The following POGZ variants were observed in gnomAD, a reference collection of about 807,000 sequenced individuals.
POGZ encodes pogo transposable element with ZNF domain.
A neutral mutation model predicts 134.6 loss-of-function variants in POGZ; 17 were observed. The observed-to-expected ratio is 0.13, with a 90% CI of 0.09 to 0.19. The LOEUF (loss-of-function observed/expected upper bound fraction) is 0.19. Among genes scored for constraint, POGZ ranks in the 10% least tolerant of loss-of-function variants. The pLI is 1.00. For synonymous variants in POGZ, 693 were observed against 657.1 expected (o/e 1.05, Z -0.84); for missense variants, 1,306 against 1,769.7 (o/e 0.74, Z 4.70).
Position 151,405,519 on chromosome 1 carries a change from G to A in POGZ, c.3516C>T (p.Thr1172=), listed in dbSNP as rs757691802. 9.3e-6 allele frequency: 15 copies of A among 1,614,214 alleles called. 2 individuals are homozygous for A. The South Asian group carries it at 1.5e-4, about 17-fold the overall frequency. Residue 1172 remains threonine (T), a synonymous_variant, in exon 19 of 19, where the codon ACC becomes ACT. Coordinates refer to ENST00000271715, the MANE Select transcript of POGZ (RefSeq NM_015100.4). This position sits in a 1 kb window ranked among gnomAD's most constrained non-coding sequence, Gnocchi z 4.9. ...CCATCTGCCCTCTGTAGAAAACCAGGGTGGGAAGGACAGTGCCATCTGCCA... is the reference window on the plus strand; with the variant it reads ...CCATCTGCCCTCTGTAGAAAACCAGAGTGGGAAGGACAGTGCCATCTGCCA... The part of the protein sequence containing the change: ...AILADGTVLP[T]LVFYRGQMDQ...
At chr1:151,446,333 TAAA>T (rs1661270940) in intron 1 of POGZ, among the ~76,000 whole-genome samples, 1 of 150,310 alleles carries the variant, frequency 6.7e-6, no homozygotes, top group Admixed American at 6.6e-5. Flanking sequence ...CTTATCACAC[TAAA>T]AAAATTATGC....
At chr1:151,408,921 T>A in intron 12 of POGZ, 93 bp from the exon 13 acceptor site, 1 of 1,050,924 alleles carries the variant, frequency 9.5e-7, no homozygotes. Flanking sequence ...ATGTCAACCA[T>A]ATCATTCTTC....
chr1:151,442,656 G>A (rs997432993), intron 1 of POGZ, among the ~76,000 whole-genome samples: 15 of 150,704 alleles, frequency 1.0e-4, no homozygotes, highest in Non-Finnish European at 1.8e-4. Context: ...GGTTGCAGGG[G>A]GTCAAGATCA....
At chr1:151,413,816 A>C (rs910950649) in intron 10 of POGZ, among the ~76,000 whole-genome samples, 8 of 152,126 alleles carry the variant, frequency 5.3e-5, no homozygotes, top group African/African-American at 1.7e-4. Context: ...AAGTACCAGA[A>C]TTACAGGTAT....
Position 151,430,855 on chromosome 1 carries a change from G to GA in POGZ, c.284-15dup. 3 of 1,513,116 alleles carry GA rather than the reference G, an allele frequency of 2.0e-6. No individual in the cohort carries two copies. Among genetic ancestry groups the GA allele is most frequent in the Admixed American group, 2.5e-5 (1 of 39,534 alleles). 93.7% of individuals were successfully genotyped at this position (1,513,116 alleles called of 1,614,324 possible). A position where few individuals can be genotyped will look rare whatever the true frequency, so the allele number is the denominator to read the frequency against. On this transcript the variant is annotated splice_polypyrimidine_tract_variant and intron_variant, in intron 3 of 18. Transcript: ENST00000271715. ...AAGGATTGCCAGCTAAAGGGTAAAGGAAGAAAAAAAAAAAGGAATGTTAGA... is the reference window on the plus strand; with the variant it reads ...AAGGATTGCCAGCTAAAGGGTAAAGGAAAGAAAAAAAAAAAGGAATGTTAGA...
chr1:151,429,509 A>C, intron 5 of POGZ, 94 bp downstream of exon 5: 1 of 569,700 alleles, frequency 1.8e-6, no homozygotes, highest in South Asian at 2.8e-5. Flanking sequence ...ATTTTCTTTA[A>C]ATGTACTTAC....
chr1:151,420,988 C>CAT (rs71090165), intron 10 of POGZ, among the ~76,000 whole-genome samples: 90,125 of 144,754 alleles, frequency 0.62, 28,918 homozygotes, highest in Middle Eastern at 0.81. Context: ...CGTGTTTTTT[C>CAT]ATATATATAT....
chr1:151,407,835 C>A (rs1053487250), intron 15 of POGZ, among the ~76,000 whole-genome samples: 1 of 151,754 alleles, frequency 6.6e-6, no homozygotes, highest in Non-Finnish European at 1.5e-5. Context: ...CAAGGTGAAA[C>A]CCCGTCTCTA....
chr1:151,403,148 G>A lies in POGZ; in HGVS notation c.*1654C>T, dbSNP rs1653013410. 4.5e-6 allele frequency: 4 copies of A among 885,766 alleles called. No individual in the cohort carries two copies. The highest frequency in any genetic ancestry group is 5.4e-6 in the Non-Finnish European group (4 of 738,840). 54.9% of individuals were successfully genotyped at this position (885,766 alleles called of 1,614,324 possible). ...GTCAAAGGTTCACAAAGCTGGCCAA[G>A]CTGTTTCTGGAAGGGACTTTTCCAG... On this transcript the variant is annotated 3_prime_UTR_variant, in exon 19 of 19. Coordinates refer to ENST00000271715, the MANE Select transcript of POGZ (RefSeq NM_015100.4).
chr1:151,415,104 C>T (rs1441029148), intron 10 of POGZ, among the ~76,000 whole-genome samples: 5 of 152,244 alleles, frequency 3.3e-5, no homozygotes, highest in African/African-American at 1.2e-4. Context: ...CTTCCTAAGG[C>T]TCATCCAACC....
chr1:151,407,438 T>A lies in POGZ; in HGVS notation c.2376-147A>T, dbSNP rs1653841764. ...AAGCCAGTTTTCCTGTCACCATGCT[T>A]CTTAAACTTTAATATGCATACAAGT... On this transcript the variant is annotated intron_variant, in intron 15 of 18. Transcript: ENST00000271715. The A allele has an allele frequency of 9.9e-6, 6 of 609,052 alleles. No individual in the cohort carries two copies. In the South Asian group the frequency reaches 1.3e-4, roughly 13 times the overall value. The allele number at this position is 609,052 out of a possible 1,614,324, so 37.7% of individuals were successfully genotyped here.
Position 151,430,658 on chromosome 1 carries a change from C to A in POGZ, c.459+8G>T. On this transcript the variant is annotated splice_region_variant and intron_variant, in intron 4 of 18. Coordinates refer to ENST00000271715, the MANE Select transcript of POGZ (RefSeq NM_015100.4). ...TCTAGCAACCTTGGAATTCAGAGTCCTACTCACCTGCGTAGTGATAAATAT... is the reference window on the plus strand; with the variant it reads ...TCTAGCAACCTTGGAATTCAGAGTCATACTCACCTGCGTAGTGATAAATAT... 6.3e-7 allele frequency: 1 copy of A among 1,597,272 alleles called. No homozygotes were observed. Among genetic ancestry groups the A allele is most frequent in the East Asian group, 2.3e-5 (1 of 43,208 alleles).
rs984682898 is a variant in POGZ, at chr1:151,403,719, C to T, written c.*1083G>A. 14 of 985,728 alleles carry T rather than the reference C, an allele frequency of 1.4e-5. No individual in the cohort carries two copies. The highest frequency in any genetic ancestry group is 1.6e-5 in the Non-Finnish European group (13 of 829,942). The allele number at this position is 985,728 out of a possible 1,614,324, so 61.1% of individuals were successfully genotyped here. On this transcript the variant is annotated 3_prime_UTR_variant, in exon 19 of 19. Coordinates refer to ENST00000271715, the MANE Select transcript of POGZ (RefSeq NM_015100.4). ...AGAGAAATAGGGGAAAGCCACAGAG[C>T]ACGCTGGATTTCAACAAGTGGTCTT... is the stretch of plus-strand genomic sequence containing the variant.
intron 1 of POGZ, among the ~76,000 whole-genome samples, chr1:151,454,778 GTC>G (rs1662562085): frequency 1.3e-5 from 2 of 152,184 alleles, no homozygotes; most frequent in Admixed American, 1.3e-4. Context: ...ATAGGTTAGT[GTC>G]TCTTTTCTGC....
chr1:151,405,467 T>C lies in POGZ; in HGVS notation c.3568A>G (p.Ile1190Val), dbSNP rs1225831017. 6.2e-7 allele frequency: 1 copy of C among 1,614,216 alleles called. No homozygotes were observed. Among genetic ancestry groups the C allele is most frequent in the Non-Finnish European group, 8.5e-7 (1 of 1,180,036 alleles). ...MDQPANMPDSILLEAKESGYS... is the reference protein window; with the variant it reads ...MDQPANMPDSVLLEAKESGYS... The stretch of plus-strand genomic sequence containing the variant: ...CCACTCTCCTTTGCCTCTAGCAATA[T>C]GGAGTCTGGCATGTTAGCAGGCTGA... The change falls in exon 19 of 19, where the codon ATA becomes GTA. Residue 1190 changes from isoleucine to valine, a missense_variant. Physicochemically the swap from Ile to Val is conservative, Grantham distance 29. Transcript: ENST00000271715. This position sits in a 1 kb window ranked among gnomAD's most constrained non-coding sequence, Gnocchi z 4.9.
chr1:151,435,632 A>G (rs554849095), intron 3 of POGZ, among the ~76,000 whole-genome samples: 15 of 152,008 alleles, frequency 9.9e-5, no homozygotes, highest in African/African-American at 3.6e-4. Context: ...AGCTGGGACT[A>G]CAGGTAAATG....
chr1:151,412,539 T>C, intron 10 of POGZ, 143 bp from the exon 11 acceptor site: 1 of 590,616 alleles, frequency 1.7e-6, no homozygotes. Flanking sequence ...TTTCTTTAAA[T>C]GGCTCCACCT....
chr1:151,453,934 CTTT>C (rs1028528329), intron 1 of POGZ, among the ~76,000 whole-genome samples: 1 of 152,140 alleles, frequency 6.6e-6, no homozygotes, highest in Non-Finnish European at 1.5e-5. Flanking sequence ...CACCTGTATA[CTTT>C]TAAGGTATTT....
intron 12 of POGZ, among the ~76,000 whole-genome samples, chr1:151,411,175 C>T (rs1471245940): frequency 6.6e-6 from 1 of 152,148 alleles, no homozygotes; most frequent in Non-Finnish European, 1.5e-5. Flanking sequence ...ATGATCTGTC[C>T]CTGCCTAACT....
Sources: gnomAD v4.1 joint callset for allele counts (sites outside exome capture counted in the v4.1 genomes callset) on GRCh38, gnomAD v4.1.1 for gene constraint, Gnocchi (gnomAD v3.1) non-coding constraint, MANE v1.5 for transcripts, NCBI Gene and HGNC (gene_info 2026-07-23, HGNC 2026-07-21) for gene names.